Variants in CDK6 observed in about 807,000 individuals in gnomAD.
CDK6 encodes the protein cyclin dependent kinase 6, also known as cyclin-dependent kinase 6.
Under a neutral mutation model 37.1 loss-of-function variants are expected in CDK6, and 6 were observed. That is an observed-to-expected ratio of 0.16 (90% CI 0.09 to 0.32). The LOEUF is 0.32. Ranked by LOEUF, CDK6 falls within the 10% of genes least tolerant of loss-of-function variation. The pLI, the probability that CDK6 is intolerant of heterozygous loss-of-function variation, is 1.00. For missense variants in CDK6, 224 were observed against 418.9 expected (o/e 0.53, Z 4.06); for synonymous variants, 160 against 161.3 (o/e 0.99, Z 0.06).
At chr7:92,821,756 A>G (rs1801178929) in intron 2 of CDK6, among the ~76,000 whole-genome samples, 1 of 151,522 alleles carries the variant, frequency 6.6e-6, no homozygotes, top group Non-Finnish European at 1.5e-5. Flanking sequence ...CTATGTAATA[A>G]TATATTAGTA....
At chr7:92,761,869 C>G (rs1342225324) in intron 3 of CDK6, among the ~76,000 whole-genome samples, 2 of 152,196 alleles carry the variant, frequency 1.3e-5, no homozygotes, top group Non-Finnish European at 2.9e-5. Context: ...TTAATTCACT[C>G]TAATGTAATT....
intron 4 of CDK6, among the ~76,000 whole-genome samples, chr7:92,713,019 T>A: frequency 6.6e-6 from 1 of 152,058 alleles, no homozygotes; most frequent in African/African-American, 2.4e-5. Flanking sequence ...CCACCACACC[T>A]GGCTAATTTT....
intron 2 of CDK6, among the ~76,000 whole-genome samples, chr7:92,776,238 C>G (rs1406239585): frequency 6.6e-6 from 1 of 152,144 alleles, no homozygotes; most frequent in Non-Finnish European, 1.5e-5. Context: ...AGGACATGAA[C>G]TCATCATTTT....
chr7:92,779,444 T>G (rs1335657773), intron 2 of CDK6, among the ~76,000 whole-genome samples: 1 of 152,230 alleles, frequency 6.6e-6, no homozygotes, highest in African/African-American at 2.4e-5. Flanking sequence ...TGTATATACT[T>G]GCATATTCTT....
rs182867828 is a variant in CDK6, at chr7:92,687,708, C to T, written c.538-16173G>A. ...AGGTGTACACAAATCTTAACATGTT[C>T]GATGTATCTTTACACATGTACACAC... On this transcript the variant is annotated intron_variant, in intron 4 of 7. Coordinates refer to ENST00000424848, the MANE Select transcript of CDK6 (RefSeq NM_001145306.2). 1.6e-3 allele frequency among the ~76,000 whole-genome samples: 250 copies of T among 152,240 alleles called. 1 individual carries two copies. Among genetic ancestry groups the T allele is most frequent in the African/African-American group, 5.4e-3 (226 of 41,556 alleles).
intron 2 of CDK6, among the ~76,000 whole-genome samples, chr7:92,793,974 A>G (rs1001340945): frequency 1.3e-5 from 2 of 152,118 alleles, no homozygotes; most frequent in African/African-American, 4.8e-5. Context: ...TAAATATAGT[A>G]AAAACACTGA....
chr7:92,729,410 T>C (rs1026161826), intron 3 of CDK6, among the ~76,000 whole-genome samples: 6 of 152,238 alleles, frequency 3.9e-5, no homozygotes, highest in South Asian at 2.1e-4. Flanking sequence ...CAGTCTGGTA[T>C]AAAAAGTTTG....
At chr7:92,806,726 T>C (rs1281356951) in intron 2 of CDK6, among the ~76,000 whole-genome samples, 9 of 152,198 alleles carry the variant, frequency 5.9e-5, no homozygotes, top group Non-Finnish European at 1.3e-4. Flanking sequence ...CCGACTTCTC[T>C]TGTTAGCATG....
chr7:92,701,673 G>A (rs1296993178), intron 4 of CDK6: 1 of 152,406 alleles, frequency 6.6e-6, no homozygotes, highest in Non-Finnish European at 1.5e-5. Context: ...CCAAAGTGCT[G>A]GGATTACAGG....
At chr7:92,706,145 T>C (rs1330456786) in intron 4 of CDK6, among the ~76,000 whole-genome samples, 2 of 152,264 alleles carry the variant, frequency 1.3e-5, no homozygotes, top group East Asian at 1.9e-4. Context: ...TCTAACCTAT[T>C]TGGGAAATGA....
intron 2 of CDK6, among the ~76,000 whole-genome samples, chr7:92,791,213 C>T (rs1050245580): frequency 6.6e-6 from 1 of 152,022 alleles, no homozygotes; most frequent in Non-Finnish European, 1.5e-5. Flanking sequence ...CCAAGGATGA[C>T]TCACATGCTT....
chr7:92,806,631 T>C (rs1044668428), intron 2 of CDK6, among the ~76,000 whole-genome samples: 1 of 152,206 alleles, frequency 6.6e-6, no homozygotes, highest in Non-Finnish European at 1.5e-5. Context: ...AAAATGTCTG[T>C]GTAACCAGAT....
chr7:92,810,572 G>C (rs184460216), intron 2 of CDK6, among the ~76,000 whole-genome samples: 168 of 152,298 alleles, frequency 1.1e-3, no homozygotes, highest in African/African-American at 4.0e-3. Context: ...ACGAAAAGAA[G>C]TGATGAATTC....
At chr7:92,734,702 T>C (rs1798742077) in intron 3 of CDK6, among the ~76,000 whole-genome samples, 1 of 152,058 alleles carries the variant, frequency 6.6e-6, no homozygotes, top group Admixed American at 6.6e-5. Flanking sequence ...GCGATAAAAC[T>C]CCAGGGGAAT....
At chr7:92,799,225 C>CA (rs936364457) in intron 2 of CDK6, among the ~76,000 whole-genome samples, 1 of 152,274 alleles carries the variant, frequency 6.6e-6, no homozygotes, top group African/African-American at 2.4e-5. Context: ...TATCTATTAC[C>CA]AGGTTTCCCC....
In CDK6 at chr7:92,658,581, TTCTCTC is replaced by T. The variant is rs3839839; in HGVS notation, c.647+12839_647+12844del. ...TTTAGCATTTATAAACTCTCTCTCT[TTCTCTC>T]TCTCTCTCTCTCTCTCTCTCATTTG... On this transcript the variant is annotated intron_variant, in intron 5 of 7. Transcript: ENST00000424848. Among the ~76,000 whole-genome samples the T allele has an allele frequency of 2.3e-4, 33 of 146,526 alleles. 1 individual carries two copies. The highest frequency in any genetic ancestry group is 1.3e-3 in the South Asian group (6 of 4,598).
intron 4 of CDK6, chr7:92,725,164 C>T (rs1242884090): frequency 4.1e-6 from 4 of 985,284 alleles, no homozygotes; most frequent in Non-Finnish European, 4.8e-6. Flanking sequence ...AATTTGATTT[C>T]TTCTTTACAG....
At position 92,643,570 on chromosome 7, in the gene CDK6, T is replaced by C. The variant is rs189686028; in HGVS notation, c.648-20484A>G. 4.9e-4 allele frequency among the ~76,000 whole-genome samples: 75 copies of C among 152,172 alleles called. No individual in the cohort carries two copies. The East Asian group carries it at 0.013, about 27-fold the overall frequency. ...AATAGAAAAAGCCTCTTTAAGGAGG[T>C]GACATTTAACCTAAAGGATGAAACA... On this transcript the variant is annotated intron_variant, in intron 5 of 7. Coordinates refer to ENST00000424848, the MANE Select transcript of CDK6 (RefSeq NM_001145306.2).
rs4272 is a variant in CDK6 at position 92,607,515 on chromosome 7, A to T, written c.*7625T>A. On this transcript the variant is annotated 3_prime_UTR_variant, in exon 8 of 8. Transcript: ENST00000424848. ...ATCTATATATTCAAATCTACTAATC[A>T]TGTTACAAATGCATGCAGCTTATTT... The T allele has an allele frequency of 8.6e-6, 2 of 232,644 alleles. No homozygotes were observed. Among genetic ancestry groups the T allele is most frequent in the Admixed American group, 5.6e-5 (1 of 17,764 alleles). The allele number at this position is 232,644 out of a possible 1,614,324, so 14.4% of individuals were successfully genotyped here.
Sources: allele counts gnomAD v4.1 joint callset (sites outside exome capture counted in the v4.1 genomes callset), GRCh38; gene constraint gnomAD v4.1.1; transcripts MANE v1.5; gene names NCBI Gene and HGNC (gene_info 2026-07-23, HGNC 2026-07-21).